Variants in CCDC192 observed in about 807,000 individuals in gnomAD.
CCDC192 encodes the protein coiled-coil domain-containing protein 192.
chr5:127,718,715 C>G (rs1751783592), intron 2 of CCDC192, among the ~76,000 whole-genome samples: 1 of 151,962 alleles, frequency 6.6e-6, no homozygotes, highest in Non-Finnish European at 1.5e-5. Flanking sequence ...CAAGGGGAAG[C>G]CAGTTTTGAG....
chr5:127,940,439 C>T (rs950978969), intron 6 of CCDC192: 15 of 111,328 alleles, frequency 1.3e-4, no homozygotes, highest in African/African-American at 4.7e-4. Flanking sequence ...GCAACCTTTT[C>T]GTTATTTATT....
intron 2 of CCDC192, among the ~76,000 whole-genome samples, chr5:127,737,235 C>T (rs1012716876): frequency 1.2e-4 from 18 of 152,034 alleles, no homozygotes; most frequent in African/African-American, 3.6e-4. Flanking sequence ...TGTAGTTGAG[C>T]GGTTTTTAGT....
At chr5:127,714,352 T>A (rs10066288) in intron 2 of CCDC192, among the ~76,000 whole-genome samples, 118,483 of 152,182 alleles carry the variant, frequency 0.78, 46,258 homozygotes, top group East Asian at 0.89. Flanking sequence ...CTTTGGATAT[T>A]GACCCAGTAG....
intron 2 of CCDC192, among the ~76,000 whole-genome samples, chr5:127,721,321 G>A (rs140160413): frequency 6.9e-4 from 105 of 152,278 alleles, no homozygotes; most frequent in African/African-American, 2.5e-3. Flanking sequence ...TCTCTCTCAT[G>A]TTCAACATTC....
intron 6 of CCDC192, among the ~76,000 whole-genome samples, chr5:127,900,828 T>C (rs1178085556): frequency 1.3e-5 from 2 of 152,202 alleles, no homozygotes; most frequent in Non-Finnish European, 2.9e-5. Context: ...AATTCTTTTT[T>C]ATTAAAGCAG....
intron 5 of CCDC192, among the ~76,000 whole-genome samples, chr5:127,841,007 G>A (rs1447650062): frequency 6.6e-6 from 1 of 152,164 alleles, no homozygotes; most frequent in African/African-American, 2.4e-5. Flanking sequence ...GCCTTTTCAG[G>A]TTTTGTATAG....
chr5:127,832,941 T>G (rs371722056), intron 5 of CCDC192, among the ~76,000 whole-genome samples: 54 of 152,274 alleles, frequency 3.5e-4, no homozygotes, highest in African/African-American at 1.3e-3. Flanking sequence ...TTCAAGCAAT[T>G]ATAATATTCT....
intron 5 of CCDC192, among the ~76,000 whole-genome samples, chr5:127,857,027 A>G (rs1160704074): frequency 6.6e-6 from 1 of 152,206 alleles, no homozygotes; most frequent in East Asian, 1.9e-4. Context: ...CACACTTTCA[A>G]TTTGTGAAAA....
At chr5:127,877,939 A>G (rs1752150604) in intron 6 of CCDC192, among the ~76,000 whole-genome samples, 1 of 152,214 alleles carries the variant, frequency 6.6e-6, no homozygotes. Flanking sequence ...GGCACATGTA[A>G]ACAAACCAAG....
At chr5:127,772,716 C>A (rs1755634320) in intron 3 of CCDC192, among the ~76,000 whole-genome samples, 1 of 152,108 alleles carries the variant, frequency 6.6e-6, no homozygotes, top group African/African-American at 2.4e-5. Flanking sequence ...ATCTCTTATA[C>A]TGGAAATGAA....
chr5:127,734,036 A>T (rs1291830859), intron 2 of CCDC192, among the ~76,000 whole-genome samples: 2 of 147,242 alleles, frequency 1.4e-5, no homozygotes, highest in Non-Finnish European at 3.0e-5. Context: ...CTAACTCATC[A>T]TCTAGCATTA....
At position 127,941,045 on chromosome 5, in the gene CCDC192, G is replaced by A. The variant is rs1297055695; in HGVS notation, c.536-137G>A. 8 of 396,554 alleles carry A rather than the reference G, an allele frequency of 2.0e-5. No homozygotes were observed. In the East Asian group the frequency reaches 2.9e-4, roughly 14 times the overall value. The allele number at this position is 396,554 out of a possible 1,614,324, so 24.6% of individuals were successfully genotyped here. On this transcript the variant is annotated intron_variant, in intron 6 of 6. Transcript: ENST00000514853. ...CACTGGATCCAGATTTTATTCTCAGGGTATCTAACCAGATGATGCAACATC... is the reference window on the plus strand; with the variant it reads ...CACTGGATCCAGATTTTATTCTCAGAGTATCTAACCAGATGATGCAACATC...
chr5:127,815,279 A>T (rs1451738220), intron 5 of CCDC192, among the ~76,000 whole-genome samples: 1 of 152,210 alleles, frequency 6.6e-6, no homozygotes, highest in African/African-American at 2.4e-5. Flanking sequence ...CCCGCATAGC[A>T]GAGCAAACTA....
chr5:127,753,683 G>A (rs1754386161), intron 2 of CCDC192, among the ~76,000 whole-genome samples: 2 of 134,494 alleles, frequency 1.5e-5, no homozygotes, highest in African/African-American at 5.4e-5. Flanking sequence ...GCAAAACTCT[G>A]CCTGGAAAAA....
At chr5:127,935,832 C>A (rs893444360) in intron 6 of CCDC192, among the ~76,000 whole-genome samples, 3 of 152,150 alleles carry the variant, frequency 2.0e-5, no homozygotes, top group Non-Finnish European at 4.4e-5. Flanking sequence ...AGGCCAGGCA[C>A]GGTGGCTCAT....
intron 2 of CCDC192, among the ~76,000 whole-genome samples, chr5:127,753,908 T>C (rs1490248369): frequency 6.6e-6 from 1 of 152,196 alleles, no homozygotes; most frequent in East Asian, 1.9e-4. Flanking sequence ...GTTAAAAACA[T>C]AGGCATTCTA....
At chr5:127,847,998 T>C (rs1054887850) in intron 5 of CCDC192, among the ~76,000 whole-genome samples, 6 of 152,070 alleles carry the variant, frequency 3.9e-5, no homozygotes, top group African/African-American at 1.4e-4. Context: ...GATTTCACCA[T>C]GTTGGCCAGC....
chr5:127,871,782 G>A (rs1409468795), intron 5 of CCDC192, among the ~76,000 whole-genome samples: 2 of 152,150 alleles, frequency 1.3e-5, no homozygotes, highest in African/African-American at 2.4e-5. Flanking sequence ...AATATGATAC[G>A]AATAGATATT....
intron 5 of CCDC192, among the ~76,000 whole-genome samples, chr5:127,869,901 G>A (rs1751774728): frequency 6.6e-6 from 1 of 152,132 alleles, no homozygotes; most frequent in South Asian, 2.1e-4. Flanking sequence ...GCAAAGAACT[G>A]AAAGGTGTTA....
Sources: allele counts gnomAD v4.1 joint callset (sites outside exome capture counted in the v4.1 genomes callset), GRCh38; gene constraint gnomAD v4.1.1; transcripts MANE v1.5; gene names NCBI Gene and HGNC (gene_info 2026-07-23, HGNC 2026-07-21).